The following PCDHA1 variants were observed in gnomAD, a reference collection of about 807,000 sequenced individuals.
PCDHA1 encodes protocadherin alpha-1.
In PCDHA1, 42 loss-of-function variants were observed where a neutral mutation model predicts 61.3. The observed-to-expected ratio is 0.69, with a 90% CI of 0.54 to 0.89. The LOEUF is 0.89. Among genes scored for constraint, PCDHA1 ranks in the 40% least tolerant of loss-of-function variants. PCDHA1 has a pLI of 0.00. For missense variants in PCDHA1, 1,256 were observed against 1,235.3 expected, an observed-to-expected ratio of 1.02 and a Z score of -0.25; for synonymous variants, 610 against 553.8, an observed-to-expected ratio of 1.10 and a Z score of -1.43.
At chr5:140,794,829 A>T in intron 1 of PCDHA1, 1 of 977,606 alleles carries the variant, frequency 1.0e-6, no homozygotes, top group South Asian at 1.7e-5. Context: ...TCTAGGAAGG[A>T]AAATACCCAG....
At chr5:140,919,217 G>T (rs1427737864) in intron 1 of PCDHA1, among the ~76,000 whole-genome samples, 1 of 152,090 alleles carries the variant, frequency 6.6e-6, no homozygotes, top group Non-Finnish European at 1.5e-5. Context: ...TGTCCTTCTT[G>T]ATTTCTAGTA....
intron 1 of PCDHA1, among the ~76,000 whole-genome samples, chr5:140,818,805 C>T (rs2150102410): frequency 1.3e-4 from 20 of 152,280 alleles, no homozygotes; most frequent in South Asian, 1.0e-3. Context: ...ACTCCAGCCT[C>T]GGTCAGAGTG....
At chr5:140,809,321 G>T (rs1169021514) in intron 1 of PCDHA1, 4 of 1,614,100 alleles carry the variant, frequency 2.5e-6, no homozygotes, top group Non-Finnish European at 3.4e-6. Context: ...CAGCCTTTTG[G>T]TGCTCACGCT....
chr5:140,856,296 T>G, intron 1 of PCDHA1: 1 of 1,598,576 alleles, frequency 6.3e-7, no homozygotes, highest in Non-Finnish European at 8.6e-7. Flanking sequence ...AATGGCATTT[T>G]GTTTGTGAAT....
Position 140,849,199 on chromosome 5 carries a change from A to G in PCDHA1, c.2394+60515A>G, listed in dbSNP as rs1581177103. 1 of 1,039,422 alleles carries G rather than the reference A, an allele frequency of 9.6e-7. No homozygotes were observed. The allele number at this position is 1,039,422 out of a possible 1,614,324, so 64.4% of individuals were successfully genotyped here. On this transcript the variant is annotated intron_variant, in intron 1 of 3. Transcript: ENST00000504120. Reference sequence around the variant, plus strand: ...CAATTACTCATCACGGTACTGGACAACAATGACAATGCCCCAGTGTTCGAC... The same window carrying G: ...CAATTACTCATCACGGTACTGGACAGCAATGACAATGCCCCAGTGTTCGAC...
At position 140,795,823 on chromosome 5, in the gene PCDHA1, T is replaced by C. The variant is rs1232238860; in HGVS notation, c.2394+7139T>C. ...GTATTCACTCGGTAGTGATGTGTCC[T>C]CCACTATACAGACTAAGTTTACCAT... On this transcript the variant is annotated intron_variant, in intron 1 of 3. Coordinates refer to ENST00000504120, the MANE Select transcript of PCDHA1 (RefSeq NM_018900.4). The C allele has an allele frequency of 3.7e-6, 6 of 1,613,276 alleles. No homozygotes were observed. The highest frequency in any genetic ancestry group is 2.2e-5 in the East Asian group (1 of 44,874).
intron 1 of PCDHA1, chr5:140,803,392 G>C (rs1554122787): frequency 6.2e-7 from 1 of 1,614,246 alleles, no homozygotes; most frequent in East Asian, 2.2e-5. Flanking sequence ...GAAGGCGACT[G>C]TGGGCCGGGC....
intron 1 of PCDHA1, among the ~76,000 whole-genome samples, chr5:140,878,711 G>A (rs944193090): frequency 6.6e-5 from 10 of 152,156 alleles, no homozygotes; most frequent in East Asian, 1.9e-4. Context: ...GGTAGTAAAG[G>A]CATTAAAATT....
rs2150237925 is a variant in PCDHA1 at position 140,835,548 on chromosome 5, C to T, written c.2394+46864C>T. The T allele has an allele frequency of 3.1e-6, 5 of 1,613,950 alleles. No individual in the cohort carries two copies. The South Asian group carries it at 3.3e-5, about 11-fold the overall frequency. On this transcript the variant is annotated intron_variant, in intron 1 of 3. Transcript: ENST00000504120. The stretch of plus-strand genomic sequence containing the variant: ...AGTCAACGGACAGGTTACCTGCTCC[C>T]TGACGCCCCGCGTTCCCTTCAAGTT...
intron 1 of PCDHA1, among the ~76,000 whole-genome samples, chr5:140,888,046 A>G (rs2061675850): frequency 6.6e-6 from 1 of 152,214 alleles, no homozygotes; most frequent in South Asian, 2.1e-4. Flanking sequence ...CATGTATAAT[A>G]GATGTTTTAA....
At chr5:140,944,292 A>G (rs1330492011) in intron 1 of PCDHA1, among the ~76,000 whole-genome samples, 1 of 152,090 alleles carries the variant, frequency 6.6e-6, no homozygotes, top group Non-Finnish European at 1.5e-5. Context: ...GGCTCAAGCG[A>G]TCCTCCTACC....
intron 1 of PCDHA1, among the ~76,000 whole-genome samples, chr5:140,846,665 C>T (rs1299063371): frequency 3.4e-5 from 5 of 149,130 alleles, no homozygotes; most frequent in East Asian, 3.9e-4. Context: ...TGAGCCACCG[C>T]GCCCAGCCTA....
intron 1 of PCDHA1, chr5:140,814,751 A>G (rs1302153623): frequency 2.6e-5 from 4 of 152,130 alleles, no homozygotes; most frequent in Non-Finnish European, 5.9e-5. Context: ...TTATGGGACT[A>G]CTCTTGTACA....
chr5:140,941,191 T>TTTTTCTTTCTTTC lies in PCDHA1; in HGVS notation c.2395-37755_2395-37754insTCTTTCTTTCTTT, dbSNP rs1554213809. On this transcript the variant is annotated intron_variant, in intron 1 of 3. Transcript: ENST00000504120. ...CATCTTGAACATCCTGCTTCTTTTT[T>TTTTTCTTTCTTTC]TTTCTTTCTTCCTTTCTTTCTTCCT... Among the ~76,000 whole-genome samples the TTTTTCTTTCTTTC allele has an allele frequency of 1.3e-4, 12 of 93,256 alleles. No individual in the cohort carries two copies. In the East Asian group the frequency reaches 2.9e-3, roughly 23 times the overall value. 61.2% of individuals were successfully genotyped at this position (93,256 alleles called of 152,430 possible). A position where few individuals can be genotyped will look rare whatever the true frequency, so the allele number is the denominator to read the frequency against.
chr5:140,892,417 G>A lies in PCDHA1; in HGVS notation c.2395-86532G>A, dbSNP rs78605430. 5.2e-3 allele frequency among the ~76,000 whole-genome samples: 785 copies of A among 152,216 alleles called. 8 individuals are homozygous for A. Among genetic ancestry groups the A allele is most frequent in the Non-Finnish European group, 8.7e-3 (594 of 68,002 alleles). ...TCTATTTCAAGCTTCAGGTATTCTA[G>A]ATAAAACCTCATTATCTAAAATTTA... On this transcript the variant is annotated intron_variant, in intron 1 of 3. Transcript: ENST00000504120.
At chr5:140,859,397 A>C in intron 1 of PCDHA1, 1 of 262,266 alleles carries the variant, frequency 3.8e-6, no homozygotes, top group Non-Finnish European at 6.9e-6. Flanking sequence ...CATCTTAAAC[A>C]GGGTTGGGTT....
chr5:140,858,350 A>C (rs1160044351), intron 1 of PCDHA1: 1 of 1,594,392 alleles, frequency 6.3e-7, no homozygotes, highest in East Asian at 2.2e-5. Context: ...GGCGGACCTC[A>C]TGGCCTTCAG....
intron 1 of PCDHA1, among the ~76,000 whole-genome samples, chr5:140,909,493 G>T (rs989826667): frequency 6.6e-6 from 1 of 152,184 alleles, no homozygotes; most frequent in African/African-American, 2.4e-5. Context: ...AGAGCTGAAC[G>T]GGGATGTGGT....
intron 1 of PCDHA1, chr5:140,857,235 T>C: frequency 6.3e-7 from 1 of 1,598,634 alleles, no homozygotes; most frequent in Non-Finnish European, 8.6e-7. Context: ...CCGTTCAAGC[T>C]GGTGTCCACC....
Sources: allele counts gnomAD v4.1 joint callset (sites outside exome capture counted in the v4.1 genomes callset), GRCh38; gene constraint gnomAD v4.1.1; transcripts MANE v1.5; gene names NCBI Gene and HGNC (gene_info 2026-07-23, HGNC 2026-07-21).